FNDC3B: variants seen among roughly 807,000 people sequenced by gnomAD.
The protein encoded by FNDC3B is fibronectin type III domain-containing protein 3B.
FNDC3B carries 12 observed loss-of-function variants against 151.5 expected under a neutral mutation model. The observed-to-expected ratio is 0.08, with a 90% CI of 0.05 to 0.13. The LOEUF (loss-of-function observed/expected upper bound fraction) is 0.13, where lower values mean the gene tolerates loss of function less well. FNDC3B is among the 10% of genes least tolerant of loss of function. The pLI is 1.00. For synonymous variants in FNDC3B, 528 were observed against 549.0 expected (o/e 0.96, Z 0.54); for missense variants, 1,214 against 1,505.3 (o/e 0.81, Z 3.20).
At chr3:172,173,090 C>A (rs73023560) in intron 3 of FNDC3B, among the ~76,000 whole-genome samples, 4,536 of 152,072 alleles carry the variant, frequency 0.03, 128 homozygotes, top group African/African-American at 0.07. Flanking sequence ...TCCCTTTCCC[C>A]TTTTCAGAAG....
chr3:172,394,667 A>G lies in FNDC3B; in HGVS notation c.3304-2497A>G, dbSNP rs80127005. 2.6e-5 allele frequency among the ~76,000 whole-genome samples: 4 copies of G among 152,350 alleles called. No individual in the cohort carries two copies. The East Asian group carries it at 7.7e-4, about 29-fold the overall frequency. On this transcript the variant is annotated intron_variant, in intron 25 of 25. Coordinates refer to ENST00000415807, the MANE Select transcript of FNDC3B (RefSeq NM_022763.4). ...ACTCTACCAAATATTTAAAGAACTA[A>G]TACCAATCCTTCTCAGATTCTTTCA...
intron 23 of FNDC3B, among the ~76,000 whole-genome samples, chr3:172,372,667 G>GTGTAT (rs1305924012): frequency 6.6e-6 from 1 of 152,128 alleles, no homozygotes; most frequent in Non-Finnish European, 1.5e-5. Context: ...AGCTGTGAAT[G>GTGTAT]ACCCCAGTAG....
intron 1 of FNDC3B, among the ~76,000 whole-genome samples, chr3:172,092,615 G>T (rs970487300): frequency 7.9e-5 from 12 of 152,186 alleles, no homozygotes; most frequent in African/African-American, 2.4e-4. Context: ...AGGATTCTCT[G>T]TAGAGGTTAC....
chr3:172,248,793 CTT>C (rs1296461995), intron 5 of FNDC3B, among the ~76,000 whole-genome samples: 2 of 148,524 alleles, frequency 1.3e-5, no homozygotes, highest in East Asian at 4.0e-4. Flanking sequence ...ACAGAAAAAA[CTT>C]TTTTGAGATG....
At position 172,400,924 on chromosome 3, in the gene FNDC3B, A is replaced by ATT. The variant is rs3057949; in HGVS notation, c.*3464_*3465dup. 54,518 of 115,500 alleles carry ATT rather than the reference A, an allele frequency of 0.47. 15,072 individuals carry two copies. Among genetic ancestry groups the ATT allele is most frequent in the Non-Finnish European group, 0.61 (35,129 of 57,550 alleles). The allele number at this position is 115,500 out of a possible 1,614,324, so 7.2% of individuals were successfully genotyped here. On this transcript the variant is annotated 3_prime_UTR_variant, in exon 26 of 26. Coordinates refer to ENST00000415807, the MANE Select transcript of FNDC3B (RefSeq NM_022763.4). ...AGGCACTCGCCACCATGCCCGGATA[A>ATT]TTTTTTTTTTTTTTTTGAGTTGGAG...
rs1286512664 is a variant in FNDC3B, at chr3:172,039,611, T to C, written c.-189T>C. 1 of 161,624 alleles carries C rather than the reference T, an allele frequency of 6.2e-6. No homozygotes were observed. Among genetic ancestry groups the C allele is most frequent in the African/African-American group, 2.4e-5 (1 of 41,490 alleles). The allele number at this position is 161,624 out of a possible 1,614,324, so 10.0% of individuals were successfully genotyped here. ...GGCGGAATCCCCCATCAAACCCTCC[T>C]GGTAGTTATTTGAGCGGCGGCGGCG... On this transcript the variant is annotated 5_prime_UTR_variant, in exon 1 of 26. Coordinates refer to ENST00000415807, the MANE Select transcript of FNDC3B (RefSeq NM_022763.4).
In FNDC3B at chr3:172,231,495, G is replaced by A. The variant is rs182262689; in HGVS notation, c.264+4548G>A. ...AGGGGCAAGGGGAAGACAGTGACAC[G>A]TCCCAGTTATGAATTGGGAAACAAT... is the stretch of plus-strand genomic sequence containing the variant. On this transcript the variant is annotated intron_variant, in intron 4 of 25. Coordinates refer to ENST00000415807, the MANE Select transcript of FNDC3B (RefSeq NM_022763.4). 2.6e-5 allele frequency among the ~76,000 whole-genome samples: 4 copies of A among 152,294 alleles called. No homozygotes were observed. In the East Asian group the frequency reaches 5.8e-4, roughly 22 times the overall value.
chr3:172,075,764 CACAA>C (rs1171127952), intron 1 of FNDC3B, among the ~76,000 whole-genome samples: 17 of 125,656 alleles, frequency 1.4e-4, no homozygotes, highest in African/African-American at 4.7e-4. Flanking sequence ...CACACACACA[CACAA>C]ACATTTATAT....
intron 7 of FNDC3B, among the ~76,000 whole-genome samples, chr3:172,289,766 G>C (rs1435760067): frequency 1.3e-5 from 2 of 152,228 alleles, no homozygotes; most frequent in African/African-American, 2.4e-5. Flanking sequence ...GCCTCCGCCA[G>C]CGTGTAAGGC....
chr3:172,346,361 C>G lies in FNDC3B; in HGVS notation c.2285C>G (p.Thr762Ser). 6.2e-7 allele frequency: 1 copy of G among 1,613,454 alleles called. No individual in the cohort carries two copies. The highest frequency in any genetic ancestry group is 1.1e-5 in the South Asian group (1 of 91,020). The change falls in exon 20 of 26, where the codon ACT (threonine) becomes AGT (serine). Residue 762 changes from threonine to serine, a missense_variant. This residue lies in a region of FNDC3B where 380 missense variants were observed against 420.9 expected (regional missense o/e 0.90). Transcript: ENST00000415807. Reference protein sequence around the residue: ...GPYSDVSEITTAAGPPGQCKA... With the variant: ...GPYSDVSEITSAAGPPGQCKA... ...TATTCTGATGTCTCAGAAATTACCACTGCTGCAGGGCCTCCTGGACAATGC... is the reference window on the plus strand; with the variant it reads ...TATTCTGATGTCTCAGAAATTACCAGTGCTGCAGGGCCTCCTGGACAATGC...
At chr3:172,206,282 A>C (rs1273221074) in intron 3 of FNDC3B, among the ~76,000 whole-genome samples, 1 of 152,202 alleles carries the variant, frequency 6.6e-6, no homozygotes, top group Non-Finnish European at 1.5e-5. Flanking sequence ...ATATGGTTCC[A>C]TTGCTAGAGG....
intron 3 of FNDC3B, among the ~76,000 whole-genome samples, chr3:172,169,548 TC>T (rs1369198995): frequency 2.0e-5 from 3 of 152,210 alleles, no homozygotes; most frequent in African/African-American, 7.2e-5. Flanking sequence ...GAGTCAGACT[TC>T]CTGGCTACTT....
At chr3:172,074,513 G>A (rs1285830869) in intron 1 of FNDC3B, among the ~76,000 whole-genome samples, 1 of 152,194 alleles carries the variant, frequency 6.6e-6, no homozygotes, top group African/African-American at 2.4e-5. Context: ...GCTTTTGCAT[G>A]TCAGCAGCTT....
intron 3 of FNDC3B, among the ~76,000 whole-genome samples, chr3:172,158,918 T>TGTCCA (rs1464333172): frequency 6.6e-6 from 1 of 152,168 alleles, no homozygotes. Flanking sequence ...CCTCTATCAA[T>TGTCCA]GTCCAGTTGC....
In FNDC3B at chr3:172,268,032, A is replaced by G. The variant is rs530071974; in HGVS notation, c.790+16491A>G. On this transcript the variant is annotated intron_variant, in intron 6 of 25. Coordinates refer to ENST00000415807, the MANE Select transcript of FNDC3B (RefSeq NM_022763.4). ...TGTTATCTGCCTTGTGTTTTTAATA[A>G]TTATTGCCCATTGTAATAAACTTGT... Among the ~76,000 whole-genome samples, 41 of 152,332 alleles carry G rather than the reference A, an allele frequency of 2.7e-4. 2 individuals are homozygous for G. The East Asian group carries it at 7.9e-3, about 29-fold the overall frequency.
chr3:172,101,495 T>C (rs934445932), intron 1 of FNDC3B, among the ~76,000 whole-genome samples: 28 of 152,254 alleles, frequency 1.8e-4, no homozygotes, highest in African/African-American at 6.5e-4. Flanking sequence ...GTTGATTACC[T>C]TTTTTCAAGT....
At chr3:172,177,695 A>T (rs66830358) in intron 3 of FNDC3B, among the ~76,000 whole-genome samples, 55,580 of 113,042 alleles carry the variant, frequency 0.49, 10,938 homozygotes, top group Middle Eastern at 0.55. Flanking sequence ...CTTTTCTTTT[A>T]TAAAATTTTA....
chr3:172,369,614 A>G (rs1318413963), intron 23 of FNDC3B, among the ~76,000 whole-genome samples: 1 of 152,178 alleles, frequency 6.6e-6, no homozygotes, highest in African/African-American at 2.4e-5. Flanking sequence ...CACAAGCCAA[A>G]AAAGGTCCAT....
chr3:172,257,974 T>A (rs899882157), intron 6 of FNDC3B, among the ~76,000 whole-genome samples: 1 of 152,182 alleles, frequency 6.6e-6, no homozygotes, highest in African/African-American at 2.4e-5. Context: ...AGGCATTCAG[T>A]TGGAACACTT....
Sources: allele counts gnomAD v4.1 joint callset (sites outside exome capture counted in the v4.1 genomes callset), GRCh38; gene constraint gnomAD v4.1.1; regional missense constraint gnomAD v4.1.1; transcripts MANE v1.5; gene names NCBI Gene and HGNC (gene_info 2026-07-23, HGNC 2026-07-21).